The following TMEM132E variants were observed in gnomAD, a reference collection of about 807,000 sequenced individuals.
TMEM132E encodes the protein transmembrane protein 132E.
Under a neutral mutation model 78.5 loss-of-function variants are expected in TMEM132E, and 49 were observed. The observed-to-expected ratio is 0.62, with a 90% CI of 0.50 to 0.79. The LOEUF is 0.79. Ranked by LOEUF, TMEM132E falls within the 30% of genes least tolerant of loss-of-function variation. The pLI is 0.00. For missense variants in TMEM132E, 1,403 were observed against 1,470.9 expected (o/e 0.95, Z 0.75); for synonymous variants, 715 against 670.6 (o/e 1.07, Z -1.02).
At chr17:34,611,668 T>C (rs981168862) in intron 1 of TMEM132E, among the ~76,000 whole-genome samples, 3 of 151,946 alleles carry the variant, frequency 2.0e-5, no homozygotes, top group African/African-American at 7.3e-5. Context: ...CGAGCCAGGG[T>C]CTAGGAGAAG....
In TMEM132E at chr17:34,638,628, T is replaced by C. The variant is rs879018184; in HGVS notation, c.*396T>C. The C allele has an allele frequency of 3.7e-5, 7 of 189,276 alleles. No homozygotes were observed. Among genetic ancestry groups the C allele is most frequent in the Middle Eastern group, 2.0e-3 (1 of 508 alleles). The allele number at this position is 189,276 out of a possible 1,614,324, so 11.7% of individuals were successfully genotyped here. On this transcript the variant is annotated 3_prime_UTR_variant, in exon 9 of 9. Coordinates refer to ENST00000631683, the MANE Select transcript of TMEM132E (RefSeq NM_001304438.2). ...CCTCCCGTCCCCCGTGTCGTCCCCCTGTGCAGGGGGTTCTGTGGGGGTCTT... is the reference window on the plus strand; with the variant it reads ...CCTCCCGTCCCCCGTGTCGTCCCCCCGTGCAGGGGGTTCTGTGGGGGTCTT...
At chr17:34,602,311 T>C (rs1906268992) in intron 1 of TMEM132E, among the ~76,000 whole-genome samples, 1 of 152,188 alleles carries the variant, frequency 6.6e-6, no homozygotes, top group African/African-American at 2.4e-5. Flanking sequence ...GGCAGCAGCA[T>C]ATTGGGCACA....
At position 34,638,260 on chromosome 17, in the gene TMEM132E, C is replaced by CCA. The variant is rs767975858; in HGVS notation, c.*29_*30insAC. ...GCGCCAGCCGGAGTAGCAGGGACCCCCCCCCCCAACGGGGTCAGCTCGGGG... is the reference window on the plus strand; with the variant it reads ...GCGCCAGCCGGAGTAGCAGGGACCCCCACCCCCCCAACGGGGTCAGCTCGGGG... On this transcript the variant is annotated 3_prime_UTR_variant, in exon 9 of 9. Coordinates refer to ENST00000631683, the MANE Select transcript of TMEM132E (RefSeq NM_001304438.2). The CCA allele has an allele frequency of 1.2e-5, 17 of 1,472,472 alleles. No individual in the cohort carries two copies. In the African/African-American group the frequency reaches 2.0e-4, roughly 17 times the overall value. 91.2% of individuals were successfully genotyped at this position (1,472,472 alleles called of 1,614,324 possible). A position where few individuals can be genotyped will look rare whatever the true frequency, so the allele number is the denominator to read the frequency against.
At chr17:34,583,381 C>G (rs981890327) in intron 1 of TMEM132E, among the ~76,000 whole-genome samples, 1 of 152,226 alleles carries the variant, frequency 6.6e-6, no homozygotes, top group Non-Finnish European at 1.5e-5. Flanking sequence ...GAGAAGGGTG[C>G]CAGCAGATAC....
chr17:34,613,741 G>A (rs1906690320), intron 1 of TMEM132E, among the ~76,000 whole-genome samples: 1 of 151,934 alleles, frequency 6.6e-6, no homozygotes, highest in African/African-American at 2.4e-5. Flanking sequence ...GCCCTCCATG[G>A]GTAGGTAGCC....
In TMEM132E at chr17:34,621,005, G is replaced by T. The variant is rs533789325; in HGVS notation, c.68-5122G>T. 2.3e-4 allele frequency among the ~76,000 whole-genome samples: 35 copies of T among 152,322 alleles called. 1 individual carries two copies. Among genetic ancestry groups the T allele is most frequent in the Middle Eastern group, 3.4e-3 (1 of 294 alleles). The stretch of plus-strand genomic sequence containing the variant: ...AAGGGTCCCTCGCTAAGCACAGTCT[G>T]GCAGGGGTCGGGGAGGCTGGGGAGA... On this transcript the variant is annotated intron_variant, in intron 1 of 8. Transcript: ENST00000631683.
At position 34,637,959 on chromosome 17, in the gene TMEM132E, C is replaced by T. The variant is rs1333142808; in HGVS notation, c.2952C>T (p.His984=). ...AGACCAGCGTCCAGAGCCAGGTGCA[C>T]GGCAGGGGCGACGGCTCCTCGGGCG... ...SSQTSVQSQV[H]GRGDGSSGGS... Residue 984 remains histidine, a synonymous_variant, in exon 9 of 9, where the codon CAC becomes CAT. Coordinates refer to ENST00000631683, the MANE Select transcript of TMEM132E (RefSeq NM_001304438.2). 6.2e-7 allele frequency: 1 copy of T among 1,602,950 alleles called. No homozygotes were observed. Among genetic ancestry groups the T allele is most frequent in the South Asian group, 1.1e-5 (1 of 90,124 alleles).
At chr17:34,605,229 A>C (rs1012690936) in intron 1 of TMEM132E, among the ~76,000 whole-genome samples, 1 of 152,202 alleles carries the variant, frequency 6.6e-6, no homozygotes, top group African/African-American at 2.4e-5. Flanking sequence ...TGGGGCCCTC[A>C]GAGCATGAAT....
rs530112857 is a variant in TMEM132E at position 34,599,193 on chromosome 17, T to G, written c.67+18050T>G. Among the ~76,000 whole-genome samples the G allele has an allele frequency of 3.9e-5, 6 of 152,278 alleles. No homozygotes were observed. The South Asian group carries it at 1.2e-3, about 32-fold the overall frequency. The stretch of plus-strand genomic sequence containing the variant: ...CAGAGTGGGCATCTTCAGTAGAAAC[T>G]GAGGTGGGGGGTTCCCCACAGCAAG... On this transcript the variant is annotated intron_variant, in intron 1 of 8. Coordinates refer to ENST00000631683, the MANE Select transcript of TMEM132E (RefSeq NM_001304438.2).
intron 1 of TMEM132E, among the ~76,000 whole-genome samples, chr17:34,583,351 T>A (rs4795940): frequency 0.089 from 13,607 of 152,260 alleles, 696 homozygotes; most frequent in South Asian, 0.2. Context: ...CCATCGCATG[T>A]CTCAGTCTCC....
At chr17:34,607,202 A>C (rs1047125402) in intron 1 of TMEM132E, among the ~76,000 whole-genome samples, 9 of 152,202 alleles carry the variant, frequency 5.9e-5, no homozygotes, top group Admixed American at 5.9e-4. Context: ...TCTTAGCTCT[A>C]CCATTATTTA....
chr17:34,598,447 T>C (rs1184695320), intron 1 of TMEM132E, among the ~76,000 whole-genome samples: 1 of 152,088 alleles, frequency 6.6e-6, no homozygotes, highest in Non-Finnish European at 1.5e-5. Context: ...AGGAGAAGGA[T>C]TGGCTCTTGC....
intron 1 of TMEM132E, among the ~76,000 whole-genome samples, chr17:34,597,612 G>A (rs1168506928): frequency 6.6e-6 from 1 of 152,190 alleles, no homozygotes; most frequent in Admixed American, 6.5e-5. Context: ...AGGGCATCCA[G>A]CCCAAGGCTG....
chr17:34,629,190 C>T lies in TMEM132E; in HGVS notation c.1324C>T (p.Leu442=), dbSNP rs768782013. The change falls in exon 4 of 9, where the codon CTG becomes TTG. Residue 442 remains leucine, a synonymous_variant. Coordinates refer to ENST00000631683, the MANE Select transcript of TMEM132E (RefSeq NM_001304438.2). The part of the protein sequence containing the change: ...TVIQRDVQAI[L]PLAMDTEIIN... ...CATTCAGCGGGATGTGCAAGCCATC[C>T]TGCCCCTGGCCATGGTGAGCAGGCA... is the stretch of plus-strand genomic sequence containing the variant. 2.5e-6 allele frequency: 4 copies of T among 1,614,000 alleles called. No homozygotes were observed. Among genetic ancestry groups the T allele is most frequent in the Non-Finnish European group, 2.5e-6 (3 of 1,179,958 alleles).
At position 34,638,013 on chromosome 17, in the gene TMEM132E, C is replaced by G. The variant is rs1326380034; in HGVS notation, c.3006C>G (p.Pro1002=). 1 of 1,577,202 alleles carries G rather than the reference C, an allele frequency of 6.3e-7. No homozygotes were observed. The change falls in exon 9 of 9, where the codon CCC becomes CCG. Residue 1002 remains proline, a synonymous_variant. Coordinates refer to ENST00000631683, the MANE Select transcript of TMEM132E (RefSeq NM_001304438.2). ...CAGCCCGAGACCAAGCCGAGGACCC[C>G]GCCAGCTCGCCCACCTCCAAGCGCA... The part of the protein sequence containing the change: ...GGSARDQAED[P]ASSPTSKRKR...
At chr17:34,625,763 T>C (rs1907096431) in intron 1 of TMEM132E, among the ~76,000 whole-genome samples, 1 of 152,194 alleles carries the variant, frequency 6.6e-6, no homozygotes, top group Non-Finnish European at 1.5e-5. Flanking sequence ...ACAATGGCAC[T>C]TTGAGGCAGA....
At position 34,626,540 on chromosome 17, in the gene TMEM132E, C is replaced by A. The variant is rs1424057357; in HGVS notation, c.481C>A (p.Arg161=). ...RDWDDFGVTE[R]LPCVRLHAFR... Reference sequence around the variant, plus strand: ...CTGGGACGACTTCGGCGTCACCGAGCGGCTGCCCTGTGTCCGCCTGCATGC... The same window carrying A: ...CTGGGACGACTTCGGCGTCACCGAGAGGCTGCCCTGTGTCCGCCTGCATGC... The change falls in exon 2 of 9, where the codon CGG becomes AGG. Residue 161 remains arginine (R), a synonymous_variant. Coordinates refer to ENST00000631683, the MANE Select transcript of TMEM132E (RefSeq NM_001304438.2). 6.3e-7 allele frequency: 1 copy of A among 1,597,102 alleles called. No homozygotes were observed.
rs1156961538 is a variant in TMEM132E, at chr17:34,626,807, C to CG, written c.754dup (p.Ala252GlyfsTer145). 1 of 1,526,120 alleles carries CG rather than the reference C, an allele frequency of 6.6e-7. No homozygotes were observed. The allele number at this position is 1,526,120 out of a possible 1,614,324, so 94.5% of individuals were successfully genotyped here. On this transcript the variant is annotated frameshift_variant, in exon 2 of 9. Coordinates refer to ENST00000631683, the MANE Select transcript of TMEM132E (RefSeq NM_001304438.2). LOFTEE classifies it high-confidence loss of function. ...GTCGGGGGGCTGCGGGGGCTCCCGC[C>CG]GGGGGGCCGGGCCCGGGGTGGGGGC...
chr17:34,600,451 G>GTGTGTGTGTGTA (rs2142059275), intron 1 of TMEM132E, among the ~76,000 whole-genome samples: 1 of 152,074 alleles, frequency 6.6e-6, no homozygotes, highest in African/African-American at 2.4e-5. Flanking sequence ...GTGTGTGTGT[G>GTGTGTGTGTGTA]TGTGTGTGTG....
Sources: gnomAD v4.1 joint callset for allele counts (sites outside exome capture counted in the v4.1 genomes callset) on GRCh38, gnomAD v4.1.1 for gene constraint, MANE v1.5 for transcripts, NCBI Gene and HGNC (gene_info 2026-07-23, HGNC 2026-07-21) for gene names.